The following S100Z variants were observed in gnomAD, a reference collection of about 807,000 sequenced individuals.
S100Z encodes protein S100-Z.
S100Z carries 11 observed loss-of-function variants against 8.5 expected under a neutral mutation model. The observed-to-expected ratio is 1.30, with a 90% confidence interval of 0.82 to 2.15. The LOEUF is 2.15. Among genes scored for constraint, S100Z ranks in the 30% most tolerant of loss-of-function variants. S100Z has a pLI of 0.00. For synonymous variants in S100Z, 34 were observed against 43.8 expected (o/e 0.78, Z 0.89); for missense variants, 126 against 117.9 (o/e 1.07, Z -0.32).
intron 4 of S100Z, among the ~76,000 whole-genome samples, chr5:76,894,440 A>G (rs962039737): frequency 2.0e-5 from 3 of 147,822 alleles, no homozygotes; most frequent in African/African-American, 5.0e-5. Context: ...TTCAGAATAA[A>G]TCTCTCCAAA....
the S100Z span, among the ~76,000 whole-genome samples, chr5:76,944,846 T>C: frequency 6.6e-6 from 1 of 152,230 alleles, no homozygotes; most frequent in Non-Finnish European, 1.5e-5. Flanking sequence ...GTTCTGGACC[T>C]GGCAGTATTT....
the S100Z span, chr5:76,948,939 T>C: frequency 6.6e-6 from 1 of 152,102 alleles, no homozygotes; most frequent in African/African-American, 2.4e-5. Flanking sequence ...CTGGGGCCTA[T>C]TGGAAGTTGG....
the S100Z span, among the ~76,000 whole-genome samples, chr5:76,944,835 G>A: frequency 6.6e-6 from 1 of 152,148 alleles, no homozygotes; most frequent in East Asian, 1.9e-4. Context: ...ACACACCAAC[G>A]GTTCTGGACC....
chr5:76,870,805 T>G (rs570764201), intron 2 of S100Z, among the ~76,000 whole-genome samples: 1 of 151,930 alleles, frequency 6.6e-6, no homozygotes, highest in African/African-American at 2.4e-5. Context: ...ATTTAAGAGC[T>G]GGAGAGGGGA....
At chr5:76,916,701 G>C (rs1003378262) in intron 4 of S100Z, among the ~76,000 whole-genome samples, 2 of 151,996 alleles carry the variant, frequency 1.3e-5, no homozygotes, top group Non-Finnish European at 2.9e-5. Context: ...GTCAAAAAGA[G>C]GGTCTTAAGG....
At chr5:76,948,493 T>G in the S100Z span, among the ~76,000 whole-genome samples, 2 of 152,142 alleles carry the variant, frequency 1.3e-5, no homozygotes, top group African/African-American at 4.8e-5. Context: ...AAAAAACCTA[T>G]TAAGTCATTT....
chr5:76,868,620 ACT>A (rs1491503575), intron 1 of S100Z, among the ~76,000 whole-genome samples: 2 of 134,280 alleles, frequency 1.5e-5, no homozygotes, highest in Non-Finnish European at 3.1e-5. Flanking sequence ...CCAAATTCAA[ACT>A]CTTTTTTTTT....
chr5:76,909,138 T>A (rs1352919710), intron 4 of S100Z, among the ~76,000 whole-genome samples: 10 of 152,154 alleles, frequency 6.6e-5, no homozygotes, highest in Non-Finnish European at 1.3e-4. Flanking sequence ...AGCACAGCTA[T>A]TCCAATCAGC....
At chr5:76,937,100 G>A in the S100Z span, among the ~76,000 whole-genome samples, 1 of 152,130 alleles carries the variant, frequency 6.6e-6, no homozygotes, top group Non-Finnish European at 1.5e-5. Context: ...TCAGGTCCAG[G>A]ACACCAACAG....
intron 4 of S100Z, among the ~76,000 whole-genome samples, chr5:76,894,714 G>T (rs1743975734): frequency 1.3e-5 from 2 of 151,264 alleles, no homozygotes; most frequent in Non-Finnish European, 1.5e-5. Context: ...TCCTGCCTCA[G>T]CCTCCCGAGT....
At chr5:76,850,990 A>T (rs2150615264) in intron 1 of S100Z, among the ~76,000 whole-genome samples, 1 of 152,252 alleles carries the variant, frequency 6.6e-6, no homozygotes, top group Admixed American at 6.5e-5. Flanking sequence ...TGAGGATGAC[A>T]TAAAGGAATA....
At chr5:76,856,801 G>A (rs1750893961) in intron 1 of S100Z, among the ~76,000 whole-genome samples, 1 of 152,168 alleles carries the variant, frequency 6.6e-6, no homozygotes, top group African/African-American at 2.4e-5. Context: ...CCTTGGGTTA[G>A]GATTGGGGAA....
chr5:76,877,892 C>G, intron 4 of S100Z, 58 bp downstream of exon 4: 1 of 1,215,796 alleles, frequency 8.2e-7, no homozygotes, highest in Non-Finnish European at 1.2e-6. Flanking sequence ...ACTTAATGTT[C>G]ATTTATACCG....
chr5:76,907,218 A>G (rs1744487385), intron 4 of S100Z, among the ~76,000 whole-genome samples: 1 of 151,594 alleles, frequency 6.6e-6, no homozygotes, highest in African/African-American at 2.4e-5. Context: ...GTGTGCGTCT[A>G]TTTTGTGAAC....
Position 76,880,559 on chromosome 5 carries a change from G to A in S100Z, c.*2+2725G>A, listed in dbSNP as rs141253268. ...GGGGTTGTTAGAAGAAACATTTGTCGTATAGAATGATTGGTGATGGCCTGG... is the reference window on the plus strand; with the variant it reads ...GGGGTTGTTAGAAGAAACATTTGTCATATAGAATGATTGGTGATGGCCTGG... On this transcript the variant is annotated intron_variant, in intron 4 of 4. Coordinates refer to ENST00000317593, the MANE Select transcript of S100Z (RefSeq NM_130772.4). Among the ~76,000 whole-genome samples the A allele has an allele frequency of 3.0e-3, 458 of 152,212 alleles. 1 individual carries two copies. The highest frequency in any genetic ancestry group is 0.01 in the African/African-American group (425 of 41,518).
rs185715179 is a variant in S100Z at position 76,863,608 on chromosome 5, G to C, written c.-175-6558G>C. 3.9e-5 allele frequency among the ~76,000 whole-genome samples: 6 copies of C among 151,926 alleles called. No homozygotes were observed. The East Asian group carries it at 7.7e-4, about 20-fold the overall frequency. ...GGCTGGAGTGCAGTGGCGCGATCTC[G>C]GCTCACTGCAAGCTCCGCCTCCCGG... On this transcript the variant is annotated intron_variant, in intron 1 of 4. Transcript: ENST00000317593.
At chr5:76,861,027 A>C (rs1394848045) in intron 1 of S100Z, among the ~76,000 whole-genome samples, 2 of 152,364 alleles carry the variant, frequency 1.3e-5, no homozygotes, top group African/African-American at 4.8e-5. Context: ...TTATCCCTAA[A>C]TTTAGCATAA....
At chr5:76,890,055 G>T (rs564972009) in intron 4 of S100Z, among the ~76,000 whole-genome samples, 5 of 152,250 alleles carry the variant, frequency 3.3e-5, no homozygotes, top group East Asian at 3.9e-4. Context: ...ATGGAGTCTC[G>T]CTCTGTCACC....
intron 4 of S100Z, among the ~76,000 whole-genome samples, chr5:76,898,423 C>A (rs1333289329): frequency 6.6e-6 from 1 of 152,266 alleles, no homozygotes; most frequent in South Asian, 2.1e-4. Context: ...CCTCGGCCTC[C>A]CAAAGTGCTG....
Sources: gnomAD v4.1 joint callset for allele counts (sites outside exome capture counted in the v4.1 genomes callset) on GRCh38, gnomAD v4.1.1 for gene constraint, MANE v1.5 for transcripts, NCBI Gene and HGNC (gene_info 2026-07-23, HGNC 2026-07-21) for gene names.